STOX2: variants seen among roughly 807,000 people sequenced by gnomAD.
The protein encoded by STOX2 is storkhead-box protein 2.
Under a neutral mutation model 60.9 loss-of-function variants are expected in STOX2, and 28 were observed. The observed-to-expected ratio is 0.46, with a 90% confidence interval of 0.34 to 0.63. The LOEUF (loss-of-function observed/expected upper bound fraction) is 0.63. STOX2 is among the 30% of genes least tolerant of loss of function. The pLI, the probability that STOX2 is intolerant of heterozygous loss-of-function variation, is 0.01. For synonymous variants in STOX2, 472 were observed against 463.9 expected, an observed-to-expected ratio of 1.02 and a Z score of -0.22; for missense variants, 1,024 against 1,187.7, an observed-to-expected ratio of 0.86 and a Z score of 2.03.
intron 1 of STOX2, among the ~76,000 whole-genome samples, chr4:183,894,551 C>T (rs1039988780): frequency 5.3e-4 from 80 of 150,416 alleles, no homozygotes; most frequent in African/African-American, 1.8e-3. Context: ...ATATATGGGA[C>T]CTTTTTTTTT....
chr4:184,003,930 C>T (rs1037866176), intron 2 of STOX2, among the ~76,000 whole-genome samples: 2 of 138,420 alleles, frequency 1.4e-5, no homozygotes, highest in African/African-American at 5.5e-5. Context: ...TTCTCCTTTC[C>T]TTCCCTTCCT....
intron 3 of STOX2, among the ~76,000 whole-genome samples, chr4:184,013,154 A>C (rs1734231959): frequency 1.3e-5 from 2 of 152,210 alleles, no homozygotes; most frequent in Admixed American, 1.3e-4. Context: ...TGCCGTACTA[A>C]AGAGATAGTT....
intron 1 of STOX2, among the ~76,000 whole-genome samples, chr4:183,961,480 C>T (rs1320786451): frequency 1.3e-5 from 2 of 152,160 alleles, no homozygotes; most frequent in South Asian, 2.1e-4. Context: ...CAGCTACCTC[C>T]GTTCACCAAA....
chr4:183,911,231 A>T (rs1382974089), intron 1 of STOX2, among the ~76,000 whole-genome samples: 6 of 152,234 alleles, frequency 3.9e-5, no homozygotes, highest in African/African-American at 1.4e-4. Flanking sequence ...TCATTTTGCG[A>T]TACAATCCTA....
intron 2 of STOX2, among the ~76,000 whole-genome samples, chr4:184,007,620 T>C (rs6552729): frequency 1 from 151,556 of 152,304 alleles, 75,417 homozygotes; most frequent in East Asian, 1. Flanking sequence ...CTAGGACTGC[T>C]GTAACAAAGT....
At chr4:183,909,689 A>G (rs967058727) in intron 1 of STOX2, among the ~76,000 whole-genome samples, 2 of 152,114 alleles carry the variant, frequency 1.3e-5, no homozygotes, top group Non-Finnish European at 2.9e-5. Flanking sequence ...GATATTAATA[A>G]TTTTCCTTTT....
chr4:183,822,001 T>A (rs1317085111), intron 1 of STOX2, among the ~76,000 whole-genome samples: 3 of 152,252 alleles, frequency 2.0e-5, no homozygotes, highest in Non-Finnish European at 2.9e-5. Context: ...GCAGCCAGGC[T>A]GGCTGGGGGT....
chr4:183,972,134 G>A (rs1743760165), intron 1 of STOX2, among the ~76,000 whole-genome samples: 1 of 152,210 alleles, frequency 6.6e-6, no homozygotes, highest in Admixed American at 6.5e-5. Flanking sequence ...CAGCGGCGTA[G>A]GGCTGGGCAG....
chr4:183,955,406 T>C (rs1292256314), intron 1 of STOX2, among the ~76,000 whole-genome samples: 1 of 152,218 alleles, frequency 6.6e-6, no homozygotes. Context: ...TTTTCCCCAG[T>C]GCTCATCAGA....
intron 1 of STOX2, among the ~76,000 whole-genome samples, chr4:183,925,413 G>A (rs556785650): frequency 1.3e-3 from 196 of 152,032 alleles, no homozygotes; most frequent in Non-Finnish European, 2.6e-3. Context: ...GAACTCCTGG[G>A]CTCAAGAGAT....
At chr4:183,850,798 A>G (rs1028935251) in intron 1 of STOX2, among the ~76,000 whole-genome samples, 3 of 152,074 alleles carry the variant, frequency 2.0e-5, no homozygotes, top group African/African-American at 7.2e-5. Flanking sequence ...TCATCATGTG[A>G]CAAATGGGAG....
chr4:183,964,516 G>A (rs993797883), intron 1 of STOX2, among the ~76,000 whole-genome samples: 1 of 151,530 alleles, frequency 6.6e-6, no homozygotes, highest in Non-Finnish European at 1.5e-5. Flanking sequence ...ACTCTGTACT[G>A]TGCTTTTGTC....
At chr4:184,015,721 T>A (rs549309447) in intron 3 of STOX2, 1 of 152,382 alleles carries the variant, frequency 6.6e-6, no homozygotes, top group East Asian at 1.9e-4. Flanking sequence ...GTAGTTTGAC[T>A]TGTTAACTAG....
chr4:183,861,345 CTT>C (rs941407694), intron 1 of STOX2, among the ~76,000 whole-genome samples: 6 of 152,218 alleles, frequency 3.9e-5, no homozygotes, highest in African/African-American at 1.4e-4. Context: ...GGGCCCCTGT[CTT>C]TGTCTGGCCA....
At chr4:183,938,343 T>C (rs982928157) in intron 1 of STOX2, among the ~76,000 whole-genome samples, 1 of 152,218 alleles carries the variant, frequency 6.6e-6, no homozygotes, top group African/African-American at 2.4e-5. Flanking sequence ...TAAATTAACA[T>C]GCAAGAAGCA....
intron 1 of STOX2, among the ~76,000 whole-genome samples, chr4:183,898,663 T>C (rs1005294383): frequency 3.3e-5 from 5 of 152,076 alleles, no homozygotes; most frequent in East Asian, 1.9e-4. Flanking sequence ...CAGTACTGAA[T>C]GGGCAGAGGT....
intron 1 of STOX2, among the ~76,000 whole-genome samples, chr4:183,799,297 A>G (rs1322636487): frequency 6.6e-6 from 1 of 152,114 alleles, no homozygotes; most frequent in Non-Finnish European, 1.5e-5. Context: ...TGATTTTCTC[A>G]ATTCTTTTGA....
chr4:183,979,486 G>A (rs1453730864), intron 1 of STOX2, among the ~76,000 whole-genome samples: 4 of 152,092 alleles, frequency 2.6e-5, no homozygotes, highest in African/African-American at 9.7e-5. Context: ...AACCAGATCA[G>A]TACTGTCCAG....
At chr4:183,816,833 A>G (rs1288566785) in intron 1 of STOX2, among the ~76,000 whole-genome samples, 2 of 152,244 alleles carry the variant, frequency 1.3e-5, no homozygotes, top group Non-Finnish European at 2.9e-5. Context: ...CTCATTAAAG[A>G]TAGGCTCATG....
Sources: gnomAD v4.1 joint callset for allele counts (sites outside exome capture counted in the v4.1 genomes callset) on GRCh38, gnomAD v4.1.1 for gene constraint, MANE v1.5 for transcripts, NCBI Gene and HGNC (gene_info 2026-07-23, HGNC 2026-07-21) for gene names.